TFRC: variants seen among roughly 807,000 people sequenced by gnomAD.
The protein encoded by TFRC is transferrin receptor protein 1.
Under a neutral mutation model 85.8 loss-of-function variants are expected in TFRC, and 35 were observed. The ratio of observed to expected loss-of-function variants is 0.41; its 90% CI spans 0.31 to 0.54. The LOEUF is 0.54. Ranked by LOEUF, TFRC falls within the 20% of genes least tolerant of loss-of-function variation. TFRC has a pLI of 0.31. For missense variants in TFRC, 828 were observed against 921.5 expected, an observed-to-expected ratio of 0.90 and a Z score of 1.31; for synonymous variants, 362 against 328.6, an observed-to-expected ratio of 1.10 and a Z score of -1.10.
At chr3:196,073,905 TA>T in intron 4 of TFRC, 24 bp downstream of exon 4, 3 of 1,602,842 alleles carry the variant, frequency 1.9e-6, no homozygotes, top group Non-Finnish European at 2.6e-6. Context: ...CTTGTCTAGA[TA>T]CTTGCACAGC....
At chr3:196,061,293 A>G (rs774831815) in intron 13 of TFRC, among the ~76,000 whole-genome samples, 19 of 152,236 alleles carry the variant, frequency 1.2e-4, no homozygotes, top group Middle Eastern at 3.2e-3. Flanking sequence ...GTACCATTCT[A>G]TATGGCATAG....
At chr3:196,054,985 C>T in intron 17 of TFRC, 95 bp downstream of exon 17, 1 of 1,228,430 alleles carries the variant, frequency 8.1e-7, no homozygotes, top group Non-Finnish European at 1.2e-6. Flanking sequence ...ACTATGGCTA[C>T]AATCACCCTT....
intron 13 of TFRC, 81 bp downstream of exon 13, chr3:196,062,501 C>A (rs1717363579): frequency 7.7e-7 from 1 of 1,295,598 alleles, no homozygotes; most frequent in Non-Finnish European, 1.1e-6. Flanking sequence ...CCATTGCACT[C>A]CAGCCTGGGC....
At position 196,067,548 on chromosome 3, in the gene TFRC, A is replaced by G. The variant is rs1309437650; in HGVS notation, c.1010T>C (p.Ile337Thr). 2.5e-6 allele frequency: 4 copies of G among 1,613,904 alleles called. No homozygotes were observed. The highest frequency in any genetic ancestry group is 2.2e-5 in the East Asian group (1 of 44,890). The change falls in exon 9 of 19, where the codon ATC becomes ACC. Residue 337 changes from isoleucine to threonine, a missense_variant. By Grantham distance (89) the Ile-to-Thr change is moderately conservative. Transcript: ENST00000360110. Reference protein sequence around the residue: ...SGLPNIPVQTISRAAAEKLFG... With the variant: ...SGLPNIPVQTTSRAAAEKLFG... ...CAGCTTTTCTGCAGCAGCTCTGGAG[A>G]TTGTCTGGACAGGTATATTAGGCAA... is the stretch of plus-strand genomic sequence containing the variant.
intron 6 of TFRC, among the ~76,000 whole-genome samples, chr3:196,070,874 G>A (rs888352412): frequency 6.6e-6 from 1 of 151,922 alleles, no homozygotes; most frequent in African/African-American, 2.4e-5. Flanking sequence ...CCTGGGTGGT[G>A]GTGGAGAATG....
Position 196,058,275 on chromosome 3 carries a change from C to CA in TFRC, c.1677+8dup. The CA allele has an allele frequency of 6.2e-7, 1 of 1,611,244 alleles. No individual in the cohort carries two copies. Among genetic ancestry groups the CA allele is most frequent in the African/African-American group, 1.3e-5 (1 of 74,882 alleles). On this transcript the variant is annotated intron_variant, in intron 16 of 18. Transcript: ENST00000360110. Reference sequence around the variant, plus strand: ...TCTCTCCATTTGTCATTTAAATGAACAGACTTACCTCGCAAAAACAGAAAG... The same window carrying CA: ...TCTCTCCATTTGTCATTTAAATGAACAAGACTTACCTCGCAAAAACAGAAAG...
At position 196,051,046 on chromosome 3, in the gene TFRC, T is replaced by C. The variant is rs1372916817; in HGVS notation, c.*896A>G. Reference sequence around the variant, plus strand: ...AAAACACCATTTATAGTGAACTCTGTCACTGATAAATAAACAATAAATATC... The same window carrying C: ...AAAACACCATTTATAGTGAACTCTGCCACTGATAAATAAACAATAAATATC... On this transcript the variant is annotated 3_prime_UTR_variant, in exon 19 of 19. Transcript: ENST00000360110. 6 of 209,560 alleles carry C rather than the reference T, an allele frequency of 2.9e-5. No individual in the cohort carries two copies. The highest frequency in any genetic ancestry group is 5.8e-5 in the Non-Finnish European group (6 of 102,830). The allele number at this position is 209,560 out of a possible 1,614,324, so 13.0% of individuals were successfully genotyped here.
chr3:196,052,235 T>C lies in TFRC; in HGVS notation c.2041-51A>G, dbSNP rs748839892. 20 of 1,569,360 alleles carry C rather than the reference T, an allele frequency of 1.3e-5. 1 individual carries two copies. The Admixed American group carries it at 3.5e-4, about 27-fold the overall frequency. ...TTACACAGCCCTGTGACTTTTGTAG[T>C]AAAACAACAGTTCACTTCAAATGTA... On this transcript the variant is annotated intron_variant, in intron 18 of 18. Transcript: ENST00000360110.
chr3:196,067,056 A>G (rs575340174), intron 9 of TFRC, among the ~76,000 whole-genome samples: 2 of 152,236 alleles, frequency 1.3e-5, no homozygotes, highest in Non-Finnish European at 2.9e-5. Context: ...TTCTCTGGAA[A>G]CCATCATAAG....
At position 196,060,088 on chromosome 3, in the gene TFRC, TACTG is replaced by T. The variant is rs1322452573; in HGVS notation, c.1536+88_1536+91del. The T allele has an allele frequency of 6.2e-6, 6 of 965,448 alleles. No individual in the cohort carries two copies. The Admixed American group carries it at 8.2e-5, about 13-fold the overall frequency. The allele number at this position is 965,448 out of a possible 1,614,324, so 59.8% of individuals were successfully genotyped here. A position where few individuals can be genotyped will look rare whatever the true frequency, so the allele number is the denominator to read the frequency against. On this transcript the variant is annotated intron_variant, in intron 14 of 18. Coordinates refer to ENST00000360110, the MANE Select transcript of TFRC (RefSeq NM_001128148.3). The stretch of plus-strand genomic sequence containing the variant: ...TTTATTCTCAATTCCTATTTTTTGT[TACTG>T]ACTACGGTTTACATATCAGTGTTTT...
At chr3:196,063,109 G>A in intron 11 of TFRC, 170 bp from the exon 12 acceptor site, 1 of 559,300 alleles carries the variant, frequency 1.8e-6, no homozygotes, top group Non-Finnish European at 3.1e-6. Context: ...CTTTTTTTGA[G>A]ACCCCAGGTA....
intron 4 of TFRC, chr3:196,072,907 A>G (rs144151297): frequency 6.6e-6 from 1 of 152,018 alleles, no homozygotes; most frequent in East Asian, 1.9e-4. Flanking sequence ...AAATAAATAT[A>G]AAATAGAAAT....
At position 196,065,425 on chromosome 3, in the gene TFRC, G is replaced by GGGT. The variant is rs2108646669; in HGVS notation, c.1198+17_1198+18insACC. ...ACAAAAAAAAAGCGGGGCGGGGGGG[G>GGGT]GGGGGGGCGGTCTTTACCTGGTTCT... is the stretch of plus-strand genomic sequence containing the variant. On this transcript the variant is annotated intron_variant, in intron 10 of 18. Coordinates refer to ENST00000360110, the MANE Select transcript of TFRC (RefSeq NM_001128148.3). 1.4e-6 allele frequency: 1 copy of GGGT among 702,258 alleles called. No individual in the cohort carries two copies. The highest frequency in any genetic ancestry group is 1.9e-6 in the Non-Finnish European group (1 of 519,062). The allele number at this position is 702,258 out of a possible 1,614,324, so 43.5% of individuals were successfully genotyped here.
At position 196,054,195 on chromosome 3, in the gene TFRC, G is replaced by A. The variant is rs41298057; in HGVS notation, c.1900-637C>T. 1.0e-3 allele frequency among the ~76,000 whole-genome samples: 152 copies of A among 152,182 alleles called. No individual in the cohort carries two copies. The East Asian group carries it at 0.02, about 20-fold the overall frequency. On this transcript the variant is annotated intron_variant, in intron 17 of 18. Coordinates refer to ENST00000360110, the MANE Select transcript of TFRC (RefSeq NM_001128148.3). ...GCATCTTACAGTGAGCCGAGATCTCGCCACTGCACTTCAGCCTGGCCAACA... is the reference window on the plus strand; with the variant it reads ...GCATCTTACAGTGAGCCGAGATCTCACCACTGCACTTCAGCCTGGCCAACA...
At chr3:196,058,202 A>G in intron 16 of TFRC, 82 bp downstream of exon 16, 1 of 1,155,484 alleles carries the variant, frequency 8.7e-7, no homozygotes, top group East Asian at 2.4e-5. Flanking sequence ...AGGCATTCCC[A>G]TTGCAATGCC....
intron 4 of TFRC, among the ~76,000 whole-genome samples, chr3:196,073,227 TAAGTA>T (rs759254007): frequency 1.5e-5 from 2 of 135,204 alleles, no homozygotes; most frequent in Non-Finnish European, 3.2e-5. Flanking sequence ...TCAAAATAAA[TAAGTA>T]AATAAATAAA....
At chr3:196,080,598 T>C (rs1343786517) in intron 1 of TFRC, among the ~76,000 whole-genome samples, 2 of 152,244 alleles carry the variant, frequency 1.3e-5, no homozygotes, top group East Asian at 1.9e-4. Flanking sequence ...TCTTGCTCCA[T>C]GACATTTAAA....
Position 196,055,127 on chromosome 3 carries a change from G to A in TFRC, c.1852C>T (p.Leu618=). 1 of 1,614,236 alleles carries A rather than the reference G, an allele frequency of 6.2e-7. No individual in the cohort carries two copies. Among genetic ancestry groups the A allele is most frequent in the East Asian group, 2.2e-5 (1 of 44,888 alleles). The change falls in exon 17 of 19, where the codon CTG becomes TTG. Residue 618 remains leucine (L), a synonymous_variant. Transcript: ENST00000360110. The part of the protein sequence containing the change: ...NLDYERYNSQ[L]LSFVRDLNQY... ...TTCAGATCCCTCACAAATGAAAGCA[G>A]TTGGCTGTTGTACCTCTCATAGTCC...
chr3:196,054,219 C>A (rs980997728), intron 17 of TFRC, among the ~76,000 whole-genome samples: 1 of 152,124 alleles, frequency 6.6e-6, no homozygotes, highest in Admixed American at 6.5e-5. Flanking sequence ...GCCTGGCCAA[C>A]ATGGTAAAAC....
Sources: gnomAD v4.1 joint callset for allele counts (sites outside exome capture counted in the v4.1 genomes callset) on GRCh38, gnomAD v4.1.1 for gene constraint, MANE v1.5 for transcripts, NCBI Gene and HGNC (gene_info 2026-07-23, HGNC 2026-07-21) for gene names.